Variants in PTPRD observed in about 807,000 individuals in gnomAD.
PTPRD encodes the protein protein tyrosine phosphatase receptor type D.
In PTPRD, 34 loss-of-function variants were observed where a neutral mutation model predicts 214.5. That is an observed-to-expected ratio of 0.16 (90% CI 0.12 to 0.21). The LOEUF is 0.21. Ranked by LOEUF, PTPRD falls within the 10% of genes least tolerant of loss-of-function variation. The probability of loss-of-function intolerance (pLI) is 1.00; values close to 1 mark genes in which losing one functional copy is unlikely to be tolerated. For missense variants in PTPRD, 2,545 were observed against 2,398.7 expected, an observed-to-expected ratio of 1.06 and a Z score of -1.27; for synonymous variants, 1,128 against 845.7, an observed-to-expected ratio of 1.33 and a Z score of -5.79.
chr9:8,923,753 A>G (rs1444786866), intron 11 of PTPRD, among the ~76,000 whole-genome samples: 1 of 152,206 alleles, frequency 6.6e-6, no homozygotes, highest in Admixed American at 6.5e-5. Context: ...AACACATGCT[A>G]CCTACCAAAC....
chr9:8,807,843 C>T (rs2096718699), intron 11 of PTPRD, among the ~76,000 whole-genome samples: 2 of 152,046 alleles, frequency 1.3e-5, no homozygotes, highest in Admixed American at 1.3e-4. Context: ...ATAAAATATA[C>T]AATGAAGGTG....
intron 2 of PTPRD, among the ~76,000 whole-genome samples, chr9:10,424,987 C>T (rs2098598947): frequency 6.6e-6 from 1 of 151,838 alleles, no homozygotes; most frequent in Non-Finnish European, 1.5e-5. Context: ...AATGCAAAGG[C>T]AATGCAAATT....
chr9:10,285,899 T>C (rs1565034725), intron 3 of PTPRD, among the ~76,000 whole-genome samples: 2 of 152,006 alleles, frequency 1.3e-5, no homozygotes, highest in Non-Finnish European at 2.9e-5. Context: ...TGAGCTACTG[T>C]GCCCGGCCGG....
At chr9:8,841,759 C>G (rs922969196) in intron 11 of PTPRD, among the ~76,000 whole-genome samples, 1 of 151,710 alleles carries the variant, frequency 6.6e-6, no homozygotes, top group Non-Finnish European at 1.5e-5. Context: ...CTCCTGTAAT[C>G]CCAGCACTTT....
At chr9:9,468,725 T>C (rs926103560) in intron 8 of PTPRD, among the ~76,000 whole-genome samples, 2 of 152,178 alleles carry the variant, frequency 1.3e-5, no homozygotes, top group African/African-American at 4.8e-5. Context: ...TAGAAATGCA[T>C]ATTGTAATTT....
intron 11 of PTPRD, among the ~76,000 whole-genome samples, chr9:8,786,051 G>T (rs2095944059): frequency 7.1e-6 from 1 of 141,682 alleles, no homozygotes; most frequent in South Asian, 2.2e-4. Flanking sequence ...GTGTGTGTGT[G>T]TGTGTGTGTG....
At chr9:10,511,996 G>GTATATATATATATATACGTGTGTGTA (rs371474357) in intron 2 of PTPRD, among the ~76,000 whole-genome samples, 1 of 81,884 alleles carries the variant, frequency 1.2e-5, no homozygotes. Context: ...ATACGTGTGT[G>GTATATATATATATATACGTGTGTGTA]TATATATATA....
intron 9 of PTPRD, among the ~76,000 whole-genome samples, chr9:9,390,059 G>C (rs1381517348): frequency 6.6e-6 from 1 of 152,178 alleles, no homozygotes; most frequent in East Asian, 1.9e-4. Context: ...GAGACTTCAA[G>C]GTTGCTAGGG....
At chr9:8,787,180 G>A (rs141013686) in intron 11 of PTPRD, among the ~76,000 whole-genome samples, 5 of 152,214 alleles carry the variant, frequency 3.3e-5, no homozygotes, top group African/African-American at 9.6e-5. Flanking sequence ...CATTCCTATT[G>A]CTATTGCATC....
intron 11 of PTPRD, among the ~76,000 whole-genome samples, chr9:8,866,211 C>A (rs2098193227): frequency 6.6e-6 from 1 of 152,080 alleles, no homozygotes. Context: ...CTATTCTTTC[C>A]CAACTGTGTG....
chr9:9,715,154 C>T (rs982160395), intron 7 of PTPRD, among the ~76,000 whole-genome samples: 8 of 152,162 alleles, frequency 5.3e-5, no homozygotes, highest in Non-Finnish European at 2.9e-5. Flanking sequence ...TTCACATTTT[C>T]TGTATGTAAA....
At chr9:9,290,172 C>A (rs1049102454) in intron 9 of PTPRD, among the ~76,000 whole-genome samples, 17 of 151,754 alleles carry the variant, frequency 1.1e-4, no homozygotes, top group Non-Finnish European at 2.2e-4. Flanking sequence ...GAGGTGATAC[C>A]TCATTGTGGT....
intron 17 of PTPRD, 138 bp downstream of exon 17, chr9:8,526,489 A>C: frequency 1.8e-6 from 1 of 554,508 alleles, no homozygotes; most frequent in Non-Finnish European, 3.0e-6. Context: ...CACTGATCAT[A>C]ACCAAACAGT....
chr9:8,775,664 T>C (rs994376674), intron 11 of PTPRD, among the ~76,000 whole-genome samples: 1 of 152,166 alleles, frequency 6.6e-6, no homozygotes, highest in Non-Finnish European at 1.5e-5. Flanking sequence ...CTCTGTTATC[T>C]CAATTATAAA....
intron 6 of PTPRD, among the ~76,000 whole-genome samples, chr9:9,757,516 G>A (rs1056706434): frequency 5.9e-5 from 9 of 152,064 alleles, no homozygotes; most frequent in African/African-American, 2.2e-4. Flanking sequence ...AACGATTTCA[G>A]AAAAAGTTAA....
intron 8 of PTPRD, among the ~76,000 whole-genome samples, chr9:9,492,702 C>G (rs1261107182): frequency 2.0e-5 from 3 of 151,224 alleles, no homozygotes; most frequent in Non-Finnish European, 4.4e-5. Flanking sequence ...TTATGGTTCA[C>G]TTTATTGCAC....
chr9:10,061,912 A>T (rs946632653), intron 3 of PTPRD, among the ~76,000 whole-genome samples: 6 of 151,988 alleles, frequency 3.9e-5, no homozygotes, highest in Non-Finnish European at 8.8e-5. Flanking sequence ...GAAATGCAGC[A>T]AATTATTAGG....
chr9:10,063,679 C>T (rs77155054), intron 3 of PTPRD, among the ~76,000 whole-genome samples: 3,470 of 151,960 alleles, frequency 0.023, 127 homozygotes, highest in African/African-American at 0.079. Context: ...TGGTAAATTA[C>T]GGTGTGAAAG....
chr9:8,786,194 G>A (rs563411322), intron 11 of PTPRD, among the ~76,000 whole-genome samples: 3 of 152,124 alleles, frequency 2.0e-5, no homozygotes, highest in East Asian at 1.9e-4. Flanking sequence ...ATAAATTAAC[G>A]ACTCAGAGAT....
Sources: gnomAD v4.1 joint callset for allele counts (sites outside exome capture counted in the v4.1 genomes callset) on GRCh38, gnomAD v4.1.1 for gene constraint, MANE v1.5 for transcripts, NCBI Gene and HGNC (gene_info 2026-07-23, HGNC 2026-07-21) for gene names.